The following PDLIM2 variants were observed in gnomAD, a reference collection of about 807,000 sequenced individuals.
PDLIM2 encodes the protein PDZ and LIM domain protein 2.
A neutral mutation model predicts 54.1 loss-of-function variants in PDLIM2; 51 were observed. The observed-to-expected ratio is 0.94, with a 90% CI of 0.75 to 1.19. The LOEUF (loss-of-function observed/expected upper bound fraction) is 1.19, where lower values mean the gene tolerates loss of function less well. Among genes scored for constraint, PDLIM2 ranks in the 50% most tolerant of loss-of-function variants. The pLI is 0.00. For missense variants in PDLIM2, 912 were observed against 874.0 expected (o/e 1.04, Z -0.55); for synonymous variants, 398 against 385.6 (o/e 1.03, Z -0.38).
chr8:22,587,639 CTT>C (rs1800416704), intron 6 of PDLIM2: 1 of 152,194 alleles, frequency 6.6e-6, no homozygotes, highest in Non-Finnish European at 1.5e-5. Flanking sequence ...TAAAAGGTCT[CTT>C]CTGTGAAGGC....
chr8:22,594,634 C>G, downstream of PDLIM2: 1 of 1,613,364 alleles, frequency 6.2e-7, no homozygotes, highest in Non-Finnish European at 8.5e-7. Flanking sequence ...GGAGACCCAT[C>G]CAGCCAAGCT....
exon 7 of PDLIM2, chr8:22,589,303 C>G (rs997006907): frequency 1.0e-5 from 16 of 1,533,988 alleles, no homozygotes; most frequent in Middle Eastern, 4.6e-4. Context: ...AACAGGCCGG[C>G]CTCGGCCGCG....
intron 9 of PDLIM2, chr8:22,592,782 A>T (rs1563877253): frequency 6.6e-6 from 1 of 152,180 alleles, no homozygotes; most frequent in South Asian, 2.1e-4. Context: ...TGGCTGTGGG[A>T]CCCAGGACCA....
chr8:22,579,358 G>T, exon 1 of PDLIM2: 8 of 1,468,800 alleles, frequency 5.4e-6, no homozygotes, highest in Non-Finnish European at 6.3e-6. Flanking sequence ...CAGCGGGGGC[G>T]CCCCCGCGAG....
exon 3 of PDLIM2, chr8:22,581,529 C>A: frequency 1.3e-6 from 2 of 1,574,946 alleles, no homozygotes; most frequent in Non-Finnish European, 1.7e-6. Flanking sequence ...GCAGCTGGAC[C>A]GGTAGGGCCT....
At chr8:22,585,061 C>T (rs1586922562) in exon 5 of PDLIM2, 2 of 1,614,104 alleles carry the variant, frequency 1.2e-6, no homozygotes, top group South Asian at 1.1e-5. Context: ...CCTTAAGGTC[C>T]TCCTACTCCA....
chr8:22,584,736 T>C, intron 3 of PDLIM2, 85 bp from the exon 3 acceptor site: 1 of 1,315,866 alleles, frequency 7.6e-7, no homozygotes, highest in African/African-American at 1.5e-5. Flanking sequence ...TGTTGAGAAC[T>C]AGATCTGGGA....
chr8:22,589,224 C>T (rs959652618), intron 6 of PDLIM2, 74 bp from the exon 6 acceptor site: 7 of 1,483,926 alleles, frequency 4.7e-6, no homozygotes, highest in Admixed American at 3.9e-5. Flanking sequence ...TGGGAACAGC[C>T]GGGCTAGGCC....
intron 8 of PDLIM2, 140 bp downstream of exon 7, chr8:22,589,881 C>A (rs1012034079): frequency 8.1e-7 from 1 of 1,229,556 alleles, no homozygotes; most frequent in Non-Finnish European, 1.1e-6. Flanking sequence ...GAGCAGAGCG[C>A]GAAGCCCCAG....
downstream of PDLIM2, chr8:22,595,153 G>T (rs991873603): frequency 6.5e-6 from 1 of 153,876 alleles, no homozygotes; most frequent in Non-Finnish European, 1.4e-5. Flanking sequence ...TGCCTGGCTG[G>T]TCCCTGCCGG....
exon 10 of PDLIM2, chr8:22,593,965 G>A (rs1800627082): frequency 1.3e-6 from 2 of 1,517,622 alleles, no homozygotes; most frequent in East Asian, 2.5e-5. Context: ...GCCTATATAA[G>A]TTGGCATGGC....
chr8:22,584,777 G>C, intron 3 of PDLIM2, 44 bp from the exon 3 acceptor site: 1 of 1,596,648 alleles, frequency 6.3e-7, no homozygotes, highest in Non-Finnish European at 8.6e-7. Flanking sequence ...GGGTTGCAGG[G>C]TGCAGGGCCC....
downstream of PDLIM2, chr8:22,594,658 C>G: frequency 6.2e-7 from 1 of 1,608,630 alleles, no homozygotes; most frequent in South Asian, 1.1e-5. Context: ...GAGACAACCT[C>G]TGATCCTGAG....
At chr8:22,591,992 C>T in intron 9 of PDLIM2, 1 of 213,844 alleles carries the variant, frequency 4.7e-6, no homozygotes, top group East Asian at 9.9e-5. Context: ...TGCTCTTTCC[C>T]CTTCTTCCCC....
intron 9 of PDLIM2, chr8:22,593,451 C>CT (rs1406663516): frequency 2.5e-6 from 1 of 394,880 alleles, no homozygotes; most frequent in Non-Finnish European, 4.5e-6. Flanking sequence ...GTCGCACATG[C>CT]TTGTAATCCC....
chr8:22,579,383 G>A, exon 1 of PDLIM2: 2 of 1,500,512 alleles, frequency 1.3e-6, no homozygotes, highest in Non-Finnish European at 1.8e-6. Context: ...GCTCTCCCCG[G>A]CCGGAGCGCT....
At chr8:22,581,777 G>T (rs529447564) in intron 3 of PDLIM2, among the ~76,000 whole-genome samples, 1 of 152,372 alleles carries the variant, frequency 6.6e-6, no homozygotes, top group South Asian at 2.1e-4. Flanking sequence ...GGCTGGGCAG[G>T]GCGAGCTGGC....
At chr8:22,594,292 A>T (rs2117373997) in exon 10 of PDLIM2, 3 of 1,403,802 alleles carry the variant, frequency 2.1e-6, no homozygotes, top group Non-Finnish European at 2.8e-6. Context: ...AATATGGACA[A>T]AATAAAGTAG....
At chr8:22,585,238 C>T (rs1487440366) in intron 5 of PDLIM2, 76 bp downstream of exon 4, 68 of 1,602,588 alleles carry the variant, frequency 4.2e-5, no homozygotes, top group Non-Finnish European at 5.4e-5. Flanking sequence ...GTCTCAGGAG[C>T]TCTGCTTGGG....
Sources: allele counts gnomAD v4.1 joint callset (sites outside exome capture counted in the v4.1 genomes callset), GRCh38; gene constraint gnomAD v4.1.1; transcripts MANE v1.5; gene names NCBI Gene and HGNC (gene_info 2026-07-23, HGNC 2026-07-21).